DMRT3: variants seen among roughly 807,000 people sequenced by gnomAD.
DMRT3 encodes the protein doublesex- and mab-3-related transcription factor 3.
DMRT3 carries 29 observed loss-of-function variants against 34.9 expected under a neutral mutation model. That is an observed-to-expected ratio of 0.83 (90% confidence interval 0.62 to 1.13). The LOEUF is 1.13. Ranked by LOEUF, DMRT3 falls within the 50% of genes most tolerant of loss-of-function variation. The pLI is 0.00. For missense variants in DMRT3, 772 were observed against 629.1 expected (o/e 1.23, Z -2.43); for synonymous variants, 350 against 286.0 (o/e 1.22, Z -2.26).
At chr9:981,716 G>A (rs1355301398) in intron 1 of DMRT3, among the ~76,000 whole-genome samples, 1 of 152,212 alleles carries the variant, frequency 6.6e-6, no homozygotes, top group Non-Finnish European at 1.5e-5. Context: ...CGGGTTCAAA[G>A]TAGGGGCAAA....
At chr9:984,741 G>A (rs1383158628) in intron 1 of DMRT3, among the ~76,000 whole-genome samples, 1 of 152,174 alleles carries the variant, frequency 6.6e-6, no homozygotes, top group Non-Finnish European at 1.5e-5. Flanking sequence ...ACAGGTGTGA[G>A]CCACCGCGCC....
intron 1 of DMRT3, among the ~76,000 whole-genome samples, chr9:988,340 A>C (rs887659034): frequency 6.6e-6 from 1 of 152,228 alleles, no homozygotes; most frequent in African/African-American, 2.4e-5. Flanking sequence ...GCACTGAGGT[A>C]ATTGAAGAGT....
rs1820342343 is a variant in DMRT3, at chr9:990,420, G to C, written c.834G>C (p.Leu278=). Residue 278 remains leucine (L), a synonymous_variant, in exon 2 of 2, where the codon CTG becomes CTC. Coordinates refer to ENST00000190165, the MANE Select transcript of DMRT3 (RefSeq NM_021240.4). ...ELILKGCGGD[L]VSAVEVLLSS... ...TCCTCAAGGGCTGTGGCGGGGACCT[G>C]GTGAGCGCCGTGGAAGTCCTTCTGT... 1 of 1,613,954 alleles carries C rather than the reference G, an allele frequency of 6.2e-7. No homozygotes were observed. Among genetic ancestry groups the C allele is most frequent in the Non-Finnish European group, 8.5e-7 (1 of 1,180,030 alleles).
Position 978,546 on chromosome 9 carries a change from A to C in DMRT3, c.454+1091A>C, listed in dbSNP as rs186410377. Among the ~76,000 whole-genome samples, 760 of 152,194 alleles carry C rather than the reference A, an allele frequency of 5.0e-3. 6 individuals are homozygous for C. Among genetic ancestry groups the C allele is most frequent in the African/African-American group, 0.017 (693 of 41,530 alleles). On this transcript the variant is annotated intron_variant, in intron 1 of 1. Coordinates refer to ENST00000190165, the MANE Select transcript of DMRT3 (RefSeq NM_021240.4). Reference sequence around the variant, plus strand: ...AACTGGTACCTACACTGACCTGCCAACTCCCTAAAGACGGTACCCCTAGCT... The same window carrying C: ...AACTGGTACCTACACTGACCTGCCACCTCCCTAAAGACGGTACCCCTAGCT...
chr9:979,488 A>G (rs1009817120), intron 1 of DMRT3, among the ~76,000 whole-genome samples: 1 of 152,190 alleles, frequency 6.6e-6, no homozygotes, highest in East Asian at 1.9e-4. Flanking sequence ...GGACCGAGGC[A>G]TCAGGGACCA....
Position 990,425 on chromosome 9 carries a change from GCGC to G in DMRT3, c.842_844del (p.Ala281del), listed in dbSNP as rs1563690537. ...AAGGGCTGTGGCGGGGACCTGGTGA[GCGC>G]CGTGGAAGTCCTTCTGTCCAGCCGA... On this transcript the variant is annotated inframe_deletion, in exon 2 of 2. Coordinates refer to ENST00000190165, the MANE Select transcript of DMRT3 (RefSeq NM_021240.4). The G allele has an allele frequency of 6.2e-7, 1 of 1,614,132 alleles. No homozygotes were observed. The highest frequency in any genetic ancestry group is 1.1e-5 in the South Asian group (1 of 91,080).
intron 1 of DMRT3, chr9:989,788 C>G: frequency 2.5e-6 from 1 of 399,636 alleles, no homozygotes; most frequent in Non-Finnish European, 4.5e-6. Flanking sequence ...TGTAGCCATT[C>G]TATGTTGAAG....
intron 1 of DMRT3, 140 bp from the exon 2 acceptor site, chr9:989,901 T>C: frequency 8.9e-7 from 1 of 1,126,522 alleles, no homozygotes; most frequent in South Asian, 1.9e-5. Flanking sequence ...TCGAATTTTT[T>C]TAAAAAGGCT....
Position 977,095 on chromosome 9 carries a change from T to C in DMRT3, c.94T>C (p.Cys32Arg). ...PLQRTPKCAR[C>R]RNHGVLSWLK... Reference sequence around the variant, plus strand: ...GCAGCGCACGCCCAAGTGCGCGCGCTGCCGCAACCATGGCGTCCTGTCCTG... The same window carrying C: ...GCAGCGCACGCCCAAGTGCGCGCGCCGCCGCAACCATGGCGTCCTGTCCTG... The change falls in exon 1 of 2, where the codon TGC (cysteine) becomes CGC (arginine). Residue 32 changes from cysteine (C) to arginine (R), a missense_variant. Transcript: ENST00000190165. The C allele has an allele frequency of 6.2e-7, 1 of 1,604,434 alleles. No homozygotes were observed. The highest frequency in any genetic ancestry group is 8.5e-7 in the Non-Finnish European group (1 of 1,176,202).
At position 990,797 on chromosome 9, in the gene DMRT3, G is replaced by C. The variant is rs549368526; in HGVS notation, c.1211G>C (p.Arg404Thr). The change falls in exon 2 of 2, where the codon AGG becomes ACG. Residue 404 changes from arginine (R) to threonine (T), a missense_variant. Arg to Thr is a moderately conservative substitution (Grantham distance 71). Coordinates refer to ENST00000190165, the MANE Select transcript of DMRT3 (RefSeq NM_021240.4). Reference protein sequence around the residue: ...TMTLQQQYQLRSQYVSPFPSN... With the variant: ...TMTLQQQYQLTSQYVSPFPSN... ...ACGCTGCAGCAGCAGTATCAGCTGA[G>C]GTCCCAGTATGTCAGTCCTTTCCCC... is the stretch of plus-strand genomic sequence containing the variant. 2 of 1,614,158 alleles carry C rather than the reference G, an allele frequency of 1.2e-6. No individual in the cohort carries two copies. The highest frequency in any genetic ancestry group is 2.2e-5 in the South Asian group (2 of 91,080).
Position 979,167 on chromosome 9 carries a change from A to G in DMRT3, c.454+1712A>G, listed in dbSNP as rs1427433948. ...TTTTATCCAAGGAGATGCCTTTCAC[A>G]TCCTGTGTTCTTCAGAGTATTCTTT... On this transcript the variant is annotated intron_variant, in intron 1 of 1. Coordinates refer to ENST00000190165, the MANE Select transcript of DMRT3 (RefSeq NM_021240.4). 6.6e-5 allele frequency among the ~76,000 whole-genome samples: 10 copies of G among 152,180 alleles called. 1 individual carries two copies. Among genetic ancestry groups the G allele is most frequent in the Admixed American group, 6.5e-4 (10 of 15,268 alleles).
At chr9:979,316 A>G (rs1036859167) in intron 1 of DMRT3, among the ~76,000 whole-genome samples, 2 of 152,214 alleles carry the variant, frequency 1.3e-5, no homozygotes, top group Admixed American at 1.3e-4. Context: ...GTGCTTTGGG[A>G]GAATAGAAAA....
chr9:991,012 G>A lies in DMRT3; in HGVS notation c.*7G>A. Reference sequence around the variant, plus strand: ...ACTCAACACATCATCTTAAAGTGGTGCTGGATGGGTGGTGGCCAGGTGACA... The same window carrying A: ...ACTCAACACATCATCTTAAAGTGGTACTGGATGGGTGGTGGCCAGGTGACA... On this transcript the variant is annotated 3_prime_UTR_variant, in exon 2 of 2. Transcript: ENST00000190165. 1 of 1,599,300 alleles carries A rather than the reference G, an allele frequency of 6.3e-7. No homozygotes were observed. Among genetic ancestry groups the A allele is most frequent in the Non-Finnish European group, 8.6e-7 (1 of 1,169,220 alleles).
At chr9:984,879 C>T (rs937253071) in intron 1 of DMRT3, among the ~76,000 whole-genome samples, 3 of 151,822 alleles carry the variant, frequency 2.0e-5, no homozygotes, top group Non-Finnish European at 2.9e-5. Flanking sequence ...TGAAAAACTC[C>T]CCTAAAGAAA....
intron 1 of DMRT3, among the ~76,000 whole-genome samples, chr9:985,371 G>C (rs169420): frequency 0.52 from 79,623 of 152,048 alleles, 21,532 homozygotes; most frequent in Middle Eastern, 0.72. Flanking sequence ...CAAGAAGAAA[G>C]AAGGTAAAAT....
intron 1 of DMRT3, among the ~76,000 whole-genome samples, chr9:978,045 G>C (rs1008737312): frequency 3.3e-5 from 5 of 152,212 alleles, no homozygotes; most frequent in African/African-American, 1.2e-4. Flanking sequence ...GTGGCCTCCA[G>C]ACTCTTGTAA....
chr9:989,958 C>A, intron 1 of DMRT3, 83 bp from the exon 2 acceptor site: 1 of 1,528,972 alleles, frequency 6.5e-7, no homozygotes, highest in Non-Finnish European at 8.8e-7. Context: ...TTCCAAAAAG[C>A]ACGTGTACAG....
Position 991,007 on chromosome 9 carries a change from G to C in DMRT3, c.*2G>C, listed in dbSNP as rs1488314075. On this transcript the variant is annotated 3_prime_UTR_variant, in exon 2 of 2. Transcript: ENST00000190165. The stretch of plus-strand genomic sequence containing the variant: ...AGAACACTCAACACATCATCTTAAA[G>C]TGGTGCTGGATGGGTGGTGGCCAGG... 1.2e-6 allele frequency: 2 copies of C among 1,604,382 alleles called. No individual in the cohort carries two copies. The highest frequency in any genetic ancestry group is 1.7e-6 in the Non-Finnish European group (2 of 1,172,826).
In DMRT3 at chr9:982,030, C is replaced by A. The variant is rs146893691; in HGVS notation, c.454+4575C>A. On this transcript the variant is annotated intron_variant, in intron 1 of 1. Coordinates refer to ENST00000190165, the MANE Select transcript of DMRT3 (RefSeq NM_021240.4). The stretch of plus-strand genomic sequence containing the variant: ...ACACCTTCTGCAAAAATCATGCAAA[C>A]AAAAAATAGGATGCCAATATTGCAT... Among the ~76,000 whole-genome samples the A allele has an allele frequency of 2.1e-3, 318 of 152,254 alleles. 2 individuals are homozygous for A. The highest frequency in any genetic ancestry group is 5.7e-3 in the Admixed American group (88 of 15,306).
Sources: allele counts gnomAD v4.1 joint callset (sites outside exome capture counted in the v4.1 genomes callset), GRCh38; gene constraint gnomAD v4.1.1; transcripts MANE v1.5; gene names NCBI Gene and HGNC (gene_info 2026-07-23, HGNC 2026-07-21).